The following STRA8 variants were observed in gnomAD, a reference collection of about 807,000 sequenced individuals.
STRA8 encodes stimulated by retinoic acid 8.
STRA8 carries 18 observed loss-of-function variants against 37.1 expected under a neutral mutation model. That is an observed-to-expected ratio of 0.48 (90% CI 0.34 to 0.72). STRA8 has a LOEUF of 0.72. STRA8 is among the 30% of genes least tolerant of loss of function. The probability of loss-of-function intolerance (pLI) is 0.01; values close to 1 mark genes in which losing one functional copy is unlikely to be tolerated. For synonymous variants in STRA8, 168 were observed against 162.9 expected (o/e 1.03, Z -0.24); for missense variants, 357 against 410.4 (o/e 0.87, Z 1.13).
Position 135,246,847 on chromosome 7 carries a change from T to C in STRA8, c.879+145T>C. On this transcript the variant is annotated intron_variant, in intron 6 of 8. Transcript: ENST00000662584. The surrounding 1 kb of genome is among the most constrained non-coding windows in gnomAD (Gnocchi z 5.4). ...GGTCGGTTTCTGATTTTCTTTTTTCTCTTTTTTTTTTTTTTGAGACGGAGT... is the reference window on the plus strand; with the variant it reads ...GGTCGGTTTCTGATTTTCTTTTTTCCCTTTTTTTTTTTTTTGAGACGGAGT... 1 of 741,958 alleles carries C rather than the reference T, an allele frequency of 1.3e-6. No individual in the cohort carries two copies. Among genetic ancestry groups the C allele is most frequent in the Non-Finnish European group, 2.0e-6 (1 of 497,922 alleles). 46.0% of individuals were successfully genotyped at this position (741,958 alleles called of 1,614,324 possible).
intron 8 of STRA8, among the ~76,000 whole-genome samples, chr7:135,257,955 G>A (rs1832724706): frequency 6.6e-6 from 1 of 152,336 alleles, no homozygotes; most frequent in South Asian, 2.1e-4. Context: ...AATAGTAGTA[G>A]CCTACGGTAC....
chr7:135,233,040 C>T (rs1375357937), upstream of STRA8, among the ~76,000 whole-genome samples: 1 of 152,210 alleles, frequency 6.6e-6, no homozygotes, highest in Non-Finnish European at 1.5e-5. Context: ...GTACCCCCAC[C>T]AGTGTCAACC....
At chr7:135,255,261 A>G in intron 8 of STRA8, 36 bp downstream of exon 8, 4 of 1,536,660 alleles carry the variant, frequency 2.6e-6, no homozygotes, top group Non-Finnish European at 3.6e-6. Context: ...ACCTCTGCCC[A>G]CCTTGCTTAG....
At chr7:135,234,095 A>ATTAT (rs1832332925) in intron 1 of STRA8, among the ~76,000 whole-genome samples, 192 bp downstream of exon 1, 1 of 140,464 alleles carries the variant, frequency 7.1e-6, no homozygotes, top group African/African-American at 3.1e-5. Context: ...GATGATGATG[A>ATTAT]TGATGATGAT....
chr7:135,238,911 A>G (rs1237041614), intron 1 of STRA8, among the ~76,000 whole-genome samples: 1 of 152,186 alleles, frequency 6.6e-6, no homozygotes, highest in Non-Finnish European at 1.5e-5. Context: ...CCCTTGGAAG[A>G]TACCACAGTG....
intron 6 of STRA8, among the ~76,000 whole-genome samples, chr7:135,248,027 G>T (rs1346086245): frequency 6.6e-6 from 1 of 152,198 alleles, no homozygotes; most frequent in African/African-American, 2.4e-5. Context: ...CTTTCCAAAT[G>T]CTCCTCAGTC....
chr7:135,242,688 G>A lies in STRA8; in HGVS notation c.193-93G>A, dbSNP rs151213408. On this transcript the variant is annotated intron_variant, in intron 2 of 8. Coordinates refer to ENST00000662584, the MANE Select transcript of STRA8 (RefSeq NM_001394401.1). The stretch of plus-strand genomic sequence containing the variant: ...GATGTGACTTTGCATCTGAGGGAGC[G>A]TGGCCTCAGCCCTGGGAAGGGATTC... 4.8e-3 allele frequency: 5,492 copies of A among 1,149,336 alleles called. 14 individuals are homozygous for A. Among genetic ancestry groups the A allele is most frequent in the Non-Finnish European group, 6.0e-3 (4,574 of 766,846 alleles). 71.2% of individuals were successfully genotyped at this position (1,149,336 alleles called of 1,614,324 possible).
intron 1 of STRA8, among the ~76,000 whole-genome samples, chr7:135,237,954 T>C (rs1231305726): frequency 6.6e-6 from 1 of 151,552 alleles, no homozygotes; most frequent in Non-Finnish European, 1.5e-5. Flanking sequence ...TAAGACCCTG[T>C]CAGGGCCACA....
chr7:135,256,003 C>T (rs1214923821), intron 8 of STRA8, among the ~76,000 whole-genome samples: 1 of 152,196 alleles, frequency 6.6e-6, no homozygotes, highest in African/African-American at 2.4e-5. Context: ...AATTGTTCCA[C>T]TTACAGTGAT....
At chr7:135,252,015 T>A (rs143951517) in intron 7 of STRA8, 146 bp downstream of exon 7, 1,300 of 447,602 alleles carry the variant, frequency 2.9e-3, no homozygotes, top group Non-Finnish European at 3.2e-3. Context: ...AGAGAGAGAG[T>A]GTGTGTGTGT....
intron 7 of STRA8, 36 bp from the exon 8 acceptor site, chr7:135,255,078 G>A: frequency 6.5e-7 from 1 of 1,527,346 alleles, no homozygotes; most frequent in Non-Finnish European, 9.1e-7. Flanking sequence ...TCAGGATCCT[G>A]AATATTTGTT....
intron 1 of STRA8, among the ~76,000 whole-genome samples, chr7:135,235,732 G>A (rs895435966): frequency 7.9e-5 from 12 of 152,224 alleles, no homozygotes; most frequent in South Asian, 2.1e-4. Context: ...GTGAGCCACC[G>A]CGCCCAGCTG....
chr7:135,240,421 G>A, intron 1 of STRA8, 98 bp from the exon 2 acceptor site: 1 of 1,205,726 alleles, frequency 8.3e-7, no homozygotes. Context: ...CTTGGGAAGG[G>A]TACCTCCTTT....
At chr7:135,251,227 T>C (rs1832629763) in intron 6 of STRA8, among the ~76,000 whole-genome samples, 1 of 152,216 alleles carries the variant, frequency 6.6e-6, no homozygotes, top group Admixed American at 6.5e-5. Context: ...ATTCTTGGAA[T>C]AGCCCTATGA....
chr7:135,256,837 C>T (rs1832709969), intron 8 of STRA8, among the ~76,000 whole-genome samples: 1 of 152,134 alleles, frequency 6.6e-6, no homozygotes, highest in Admixed American at 6.5e-5. Context: ...AGCAAAGATG[C>T]CAAACTTCAG....
chr7:135,253,399 G>A (rs1347181560), intron 7 of STRA8, among the ~76,000 whole-genome samples: 2 of 152,148 alleles, frequency 1.3e-5, no homozygotes, highest in Non-Finnish European at 2.9e-5. Flanking sequence ...CTAGCACCCA[G>A]GGCAGCTTGC....
chr7:135,240,648 A>G lies in STRA8; in HGVS notation c.124A>G (p.Thr42Ala). ...GCTGTCCCAGGCCCGCCACCGAGCCACCCTGGCAGCGCTCTTCAACAACCT... is the reference window on the plus strand; with the variant it reads ...GCTGTCCCAGGCCCGCCACCGAGCCGCCCTGGCAGCGCTCTTCAACAACCT... Reference protein sequence around the residue: ...RRLSQARHRATLAALFNNLRK... With the variant: ...RRLSQARHRAALAALFNNLRK... Residue 42 changes from threonine to alanine, a missense_variant, in exon 2 of 9, where the codon ACC becomes GCC. Physicochemically the swap from Thr to Ala is moderately conservative, Grantham distance 58. Coordinates refer to ENST00000662584, the MANE Select transcript of STRA8 (RefSeq NM_001394401.1). 6.2e-7 allele frequency: 1 copy of G among 1,614,154 alleles called. No homozygotes were observed. The highest frequency in any genetic ancestry group is 8.5e-7 in the Non-Finnish European group (1 of 1,180,026).
intron 8 of STRA8, 122 bp downstream of exon 8, chr7:135,255,347 G>A (rs1221703648): frequency 2.9e-6 from 2 of 689,924 alleles, no homozygotes; most frequent in African/African-American, 3.6e-5. Context: ...ACTGGGCAGG[G>A]ACACTCTCCA....
chr7:135,243,314 A>G lies in STRA8; in HGVS notation c.269-12A>G, dbSNP rs774850384. On this transcript the variant is annotated splice_polypyrimidine_tract_variant and intron_variant, in intron 3 of 8. Transcript: ENST00000662584. The stretch of plus-strand genomic sequence containing the variant: ...TTTCTCTTTGTGTTCCTGGTCTTCA[A>G]CTCCCCAATAGCATCCTTCAACCTG... 4 of 1,613,872 alleles carry G rather than the reference A, an allele frequency of 2.5e-6. No individual in the cohort carries two copies. Among genetic ancestry groups the G allele is most frequent in the Non-Finnish European group, 8.5e-7 (1 of 1,179,870 alleles).
Sources: allele counts gnomAD v4.1 joint callset (sites outside exome capture counted in the v4.1 genomes callset), GRCh38; gene constraint gnomAD v4.1.1; non-coding constraint Gnocchi (gnomAD v3.1); transcripts MANE v1.5; gene names NCBI Gene and HGNC (gene_info 2026-07-23, HGNC 2026-07-21).